NPFFR2: variants seen among roughly 807,000 people sequenced by gnomAD.
NPFFR2 encodes G-protein coupled receptor 74.
A neutral mutation model predicts 13.1 loss-of-function variants in NPFFR2; 15 were observed. That is an observed-to-expected ratio of 1.15 (90% CI 0.77 to 1.76). NPFFR2 has a LOEUF of 1.76. Ranked by LOEUF, NPFFR2 falls within the 40% of genes most tolerant of loss-of-function variation. NPFFR2 has a pLI of 0.00. For synonymous variants in NPFFR2, 190 were observed against 175.7 expected (o/e 1.08, Z -0.65); for missense variants, 572 against 503.5 (o/e 1.14, Z -1.30).
At chr4:72,113,886 C>G (rs982126091) in intron 1 of NPFFR2, among the ~76,000 whole-genome samples, 1 of 151,994 alleles carries the variant, frequency 6.6e-6, no homozygotes, top group African/African-American at 2.4e-5. Flanking sequence ...AAAATATTGC[C>G]ACCTTATACC....
At chr4:72,081,763 T>C (rs1720630405) in intron 1 of NPFFR2, among the ~76,000 whole-genome samples, 1 of 152,136 alleles carries the variant, frequency 6.6e-6, no homozygotes, top group African/African-American at 2.4e-5. Context: ...AATGCTAGGA[T>C]TACAGGCATG....
At chr4:72,122,249 A>G (rs1384094900) in intron 1 of NPFFR2, among the ~76,000 whole-genome samples, 4 of 152,206 alleles carry the variant, frequency 2.6e-5, no homozygotes, top group African/African-American at 9.7e-5. Context: ...CCAGATTCAT[A>G]AAACAAGTTC....
At chr4:72,128,209 G>C (rs1002395389) in intron 1 of NPFFR2, among the ~76,000 whole-genome samples, 1 of 152,052 alleles carries the variant, frequency 6.6e-6, no homozygotes, top group Admixed American at 6.6e-5. Flanking sequence ...AGAGGCATGT[G>C]AGTTAGCTTT....
At chr4:72,071,496 T>G (rs1263419368) in intron 1 of NPFFR2, among the ~76,000 whole-genome samples, 3 of 152,152 alleles carry the variant, frequency 2.0e-5, no homozygotes, top group Non-Finnish European at 4.4e-5. Flanking sequence ...ACTGGCACAA[T>G]CTGTCTGATG....
intron 1 of NPFFR2, among the ~76,000 whole-genome samples, chr4:72,050,228 A>G (rs1012150468): frequency 6.6e-6 from 1 of 152,060 alleles, no homozygotes; most frequent in Non-Finnish European, 1.5e-5. Context: ...CAAACCAAGA[A>G]CAAATAATTT....
chr4:72,124,793 A>C (rs907156229), intron 1 of NPFFR2, among the ~76,000 whole-genome samples: 2 of 152,196 alleles, frequency 1.3e-5, no homozygotes, highest in Non-Finnish European at 2.9e-5. Context: ...TAAAGACTAA[A>C]TGTAAGACCT....
At chr4:72,033,829 T>C (rs1718983257) in intron 1 of NPFFR2, among the ~76,000 whole-genome samples, 1 of 152,214 alleles carries the variant, frequency 6.6e-6, no homozygotes, top group Non-Finnish European at 1.5e-5. Flanking sequence ...TGAATAAATA[T>C]GAATTCACTA....
At chr4:72,099,775 A>G (rs2109808798) in intron 1 of NPFFR2, among the ~76,000 whole-genome samples, 1 of 151,718 alleles carries the variant, frequency 6.6e-6, no homozygotes, top group East Asian at 1.9e-4. Context: ...CATTTCTTAA[A>G]AAAAACTTGG....
chr4:72,131,128 CTGGGGTTTTTA>C (rs1279757045), intron 2 of NPFFR2, among the ~76,000 whole-genome samples: 1 of 151,862 alleles, frequency 6.6e-6, no homozygotes, highest in Non-Finnish European at 1.5e-5. Flanking sequence ...CCATTGGAAC[CTGGGGTTTTTA>C]TAGGTATAGG....
Position 72,147,308 on chromosome 4 carries a change from C to G in NPFFR2, c.759C>G (p.His253Gln). 6.2e-7 allele frequency: 1 copy of G among 1,614,174 alleles called. No individual in the cohort carries two copies. The highest frequency in any genetic ancestry group is 8.5e-7 in the Non-Finnish European group (1 of 1,180,032). Reference sequence around the variant, plus strand: ...CACTCTTCAGGGCTGCAGTTCCTCACACAGGCAGGAAGAACCAGGAGCAGT... The same window carrying G: ...CACTCTTCAGGGCTGCAGTTCCTCAGACAGGCAGGAAGAACCAGGAGCAGT... ...GISLFRAAVPHTGRKNQEQWH... is the reference protein window; with the variant it reads ...GISLFRAAVPQTGRKNQEQWH... The change falls in exon 4 of 4, where the codon CAC (histidine) becomes CAG (glutamine). Residue 253 changes from histidine to glutamine, a missense_variant. His to Gln is a conservative substitution (Grantham distance 24). Transcript: ENST00000308744.
At chr4:72,107,521 G>A (rs1721449785) in intron 1 of NPFFR2, among the ~76,000 whole-genome samples, 1 of 151,558 alleles carries the variant, frequency 6.6e-6, no homozygotes, top group Admixed American at 6.6e-5. Flanking sequence ...CCTTAAATTG[G>A]GATACTATGA....
At chr4:72,050,575 G>T (rs1719517129) in intron 1 of NPFFR2, among the ~76,000 whole-genome samples, 5 of 151,874 alleles carry the variant, frequency 3.3e-5, no homozygotes, top group Admixed American at 3.3e-4. Flanking sequence ...GGCCCTGAAG[G>T]AAAGCAACAT....
At chr4:72,050,753 T>C (rs1360681613) in intron 1 of NPFFR2, among the ~76,000 whole-genome samples, 1 of 147,074 alleles carries the variant, frequency 6.8e-6, no homozygotes, top group African/African-American at 2.5e-5. Context: ...CCCAATGCTA[T>C]CCCTCCCACC....
chr4:72,041,606 C>T (rs1006955984), intron 1 of NPFFR2, among the ~76,000 whole-genome samples: 1 of 152,146 alleles, frequency 6.6e-6, no homozygotes, highest in Non-Finnish European at 1.5e-5. Context: ...CTAATTTACT[C>T]TCCCACCAAC....
chr4:72,097,231 A>G (rs370596070), intron 1 of NPFFR2, among the ~76,000 whole-genome samples: 1 of 152,118 alleles, frequency 6.6e-6, no homozygotes, highest in East Asian at 1.9e-4. Context: ...GCATTATCAA[A>G]TACCGTTTTT....
At chr4:72,125,924 T>C (rs1321398438) in intron 1 of NPFFR2, among the ~76,000 whole-genome samples, 6 of 152,240 alleles carry the variant, frequency 3.9e-5, no homozygotes, top group Non-Finnish European at 1.5e-5. Flanking sequence ...GCCATTATGC[T>C]GCTGACCATA....
At chr4:72,076,614 G>A (rs1240927094) in intron 1 of NPFFR2, among the ~76,000 whole-genome samples, 1 of 152,158 alleles carries the variant, frequency 6.6e-6, no homozygotes, top group Non-Finnish European at 1.5e-5. Context: ...AAACTGCTGT[G>A]TGTGGAAGAA....
At chr4:72,087,916 T>C (rs1367972764) in intron 1 of NPFFR2, among the ~76,000 whole-genome samples, 1 of 152,078 alleles carries the variant, frequency 6.6e-6, no homozygotes, top group Non-Finnish European at 1.5e-5. Context: ...CTGGTTCTGC[T>C]GCATTTTTCT....
At chr4:72,067,895 C>A (rs1470200555) in intron 1 of NPFFR2, among the ~76,000 whole-genome samples, 1 of 152,152 alleles carries the variant, frequency 6.6e-6, no homozygotes, top group Non-Finnish European at 1.5e-5. Flanking sequence ...ATGTTTCTAC[C>A]AGCATTCTGT....
Sources: allele counts gnomAD v4.1 joint callset (sites outside exome capture counted in the v4.1 genomes callset), GRCh38; gene constraint gnomAD v4.1.1; transcripts MANE v1.5; gene names NCBI Gene and HGNC (gene_info 2026-07-23, HGNC 2026-07-21).